Variants in NAALADL2 observed in about 807,000 individuals in gnomAD.
NAALADL2 encodes the protein N-acetylated alpha-linked acidic dipeptidase like 2.
A neutral mutation model predicts 87.2 loss-of-function variants in NAALADL2; 76 were observed. The ratio of observed to expected loss-of-function variants is 0.87; its 90% CI spans 0.72 to 1.05. NAALADL2 has a LOEUF of 1.05. NAALADL2 is among the 50% of genes least tolerant of loss of function. The probability of loss-of-function intolerance (pLI) is 0.00; values close to 1 mark genes in which losing one functional copy is unlikely to be tolerated. For synonymous variants in NAALADL2, 354 were observed against 331.0 expected (o/e 1.07, Z -0.75); for missense variants, 1,089 against 945.8 (o/e 1.15, Z -1.99).
chr3:175,444,651 G>A (rs1437367511), intron 5 of NAALADL2, among the ~76,000 whole-genome samples: 4 of 152,034 alleles, frequency 2.6e-5, no homozygotes, highest in Non-Finnish European at 5.9e-5. Flanking sequence ...TTAAACAAGA[G>A]GTCCCACATT....
chr3:174,794,156 T>C (rs1359103932), intron 3 of NAALADL2, among the ~76,000 whole-genome samples: 1 of 152,108 alleles, frequency 6.6e-6, no homozygotes, highest in Non-Finnish European at 1.5e-5. Flanking sequence ...TGGAAAAATT[T>C]GACTTTATGA....
intron 2 of NAALADL2, among the ~76,000 whole-genome samples, chr3:175,217,116 G>A (rs1742674118): frequency 2.6e-5 from 4 of 152,236 alleles, no homozygotes; most frequent in South Asian, 2.1e-4. Context: ...GATCATGGAT[G>A]GCAACATAAT....
At chr3:175,199,555 C>G (rs2109123722) in intron 2 of NAALADL2, among the ~76,000 whole-genome samples, 1 of 151,776 alleles carries the variant, frequency 6.6e-6, no homozygotes, top group African/African-American at 2.4e-5. Flanking sequence ...CATTTGCAAG[C>G]AAATTGTAAG....
At position 175,624,811 on chromosome 3, in the gene NAALADL2, TG is replaced by T. The variant is rs200671960; in HGVS notation, c.1801-2479del. Among the ~76,000 whole-genome samples, 621 of 152,076 alleles carry T rather than the reference TG, an allele frequency of 4.1e-3. 5 individuals carry two copies. Among genetic ancestry groups the T allele is most frequent in the African/African-American group, 0.014 (588 of 41,532 alleles). On this transcript the variant is annotated intron_variant, in intron 10 of 13. Transcript: ENST00000454872. ...GAAAACATATCTGGATTAATTGAAATGATTCACATTTTTAAGATTGGCATTA... is the reference window on the plus strand; with the variant it reads ...GAAAACATATCTGGATTAATTGAAATATTCACATTTTTAAGATTGGCATTA...
At chr3:175,303,010 CAT>C (rs749513415) in intron 4 of NAALADL2, among the ~76,000 whole-genome samples, 37 of 152,064 alleles carry the variant, frequency 2.4e-4, no homozygotes, top group Admixed American at 5.2e-4. Context: ...TAATAAAAGA[CAT>C]TGACAGGTAC....
chr3:174,796,546 A>G lies in NAALADL2; in HGVS notation c.-9+58800A>G, dbSNP rs572677857. ...CACTTCCATCCATGTTGTGCTAAAG[A>G]CATGATTTAATTGTTTTTTTAATGG... On this transcript the variant is annotated intron_variant, in intron 3 of 3. Coordinates refer to the NAALADL2 transcript ENST00000434257. 2.0e-5 allele frequency among the ~76,000 whole-genome samples: 3 copies of G among 152,014 alleles called. No homozygotes were observed. In the South Asian group the frequency reaches 6.2e-4, roughly 32 times the overall value.
intron 1 of NAALADL2, among the ~76,000 whole-genome samples, chr3:175,034,703 C>T (rs75760548): frequency 0.024 from 3,715 of 152,188 alleles, 145 homozygotes; most frequent in African/African-American, 0.085. Flanking sequence ...TTGTCTCCTA[C>T]TGCTGGCTTA....
intron 13 of NAALADL2, among the ~76,000 whole-genome samples, chr3:175,764,498 G>GT (rs1366206541): frequency 6.6e-6 from 1 of 151,666 alleles, no homozygotes; most frequent in Non-Finnish European, 1.5e-5. Context: ...GAATGACCTT[G>GT]TGGAAGCTCA....
intron 1 of NAALADL2, among the ~76,000 whole-genome samples, chr3:175,058,897 A>G (rs1483580235): frequency 5.9e-5 from 9 of 152,194 alleles, no homozygotes; most frequent in Non-Finnish European, 1.3e-4. Flanking sequence ...AGTAGTGAAT[A>G]GATTAGATGG....
intron 1 of NAALADL2, among the ~76,000 whole-genome samples, chr3:175,021,574 C>T (rs546282271): frequency 3.3e-5 from 5 of 152,134 alleles, no homozygotes; most frequent in Admixed American, 1.3e-4. Context: ...TCAAGTGTTT[C>T]GTATTGAACT....
chr3:175,604,176 T>C (rs994090652), intron 10 of NAALADL2, among the ~76,000 whole-genome samples: 4 of 152,186 alleles, frequency 2.6e-5, no homozygotes, highest in African/African-American at 7.2e-5. Flanking sequence ...TGCAAAGGGT[T>C]CCAATGTCTC....
At chr3:175,717,682 C>A (rs1741505640) in intron 11 of NAALADL2, among the ~76,000 whole-genome samples, 1 of 148,338 alleles carries the variant, frequency 6.7e-6, no homozygotes, top group Non-Finnish European at 1.5e-5. Context: ...CAGAATGAGA[C>A]CCTGTCTCCA....
chr3:175,582,582 G>A (rs1184727179), intron 10 of NAALADL2, among the ~76,000 whole-genome samples: 4 of 152,150 alleles, frequency 2.6e-5, no homozygotes, highest in African/African-American at 9.7e-5. Context: ...CAACAGTCAA[G>A]TTAAGAATAT....
intron 1 of NAALADL2, among the ~76,000 whole-genome samples, chr3:175,067,310 C>T (rs1036527186): frequency 6.6e-6 from 1 of 152,060 alleles, no homozygotes; most frequent in Non-Finnish European, 1.5e-5. Flanking sequence ...ATCAGGCAGC[C>T]TACAGAATGG....
At chr3:174,876,135 A>G (rs553221445) in intron 1 of NAALADL2, among the ~76,000 whole-genome samples, 1 of 152,266 alleles carries the variant, frequency 6.6e-6, no homozygotes, top group African/African-American at 2.4e-5. Flanking sequence ...ATAATCTTGG[A>G]CTTTAGCAGC....
intron 4 of NAALADL2, among the ~76,000 whole-genome samples, chr3:175,274,409 A>G (rs1324655437): frequency 6.6e-6 from 1 of 152,240 alleles, no homozygotes; most frequent in Non-Finnish European, 1.5e-5. Context: ...TAAAATAAAT[A>G]CATATTACAT....
chr3:175,722,056 C>T (rs566478381), intron 11 of NAALADL2, among the ~76,000 whole-genome samples: 34 of 152,110 alleles, frequency 2.2e-4, no homozygotes, highest in Admixed American at 2.2e-3. Context: ...TTCTATTTCT[C>T]GCATTTTGTT....
intron 4 of NAALADL2, among the ~76,000 whole-genome samples, chr3:175,315,018 G>A (rs1758959832): frequency 6.6e-6 from 1 of 151,934 alleles, no homozygotes; most frequent in African/African-American, 2.4e-5. Context: ...CTTTTTAATT[G>A]CTGGGAAGAA....
chr3:174,945,834 T>G (rs1010929792), intron 1 of NAALADL2, among the ~76,000 whole-genome samples: 3 of 151,832 alleles, frequency 2.0e-5, no homozygotes, highest in African/African-American at 7.3e-5. Flanking sequence ...GATCGTGAAG[T>G]CAGGAGATCA....
Sources: allele counts gnomAD v4.1 joint callset (sites outside exome capture counted in the v4.1 genomes callset), GRCh38; gene constraint gnomAD v4.1.1; transcripts MANE v1.5; gene names NCBI Gene and HGNC (gene_info 2026-07-23, HGNC 2026-07-21).